The following CCDC18 variants were observed in gnomAD, a reference collection of about 807,000 sequenced individuals.
The protein encoded by CCDC18 is coiled-coil domain-containing protein 18.
Under a neutral mutation model 196.0 loss-of-function variants are expected in CCDC18, and 157 were observed. That is an observed-to-expected ratio of 0.80 (90% CI 0.70 to 0.91). The LOEUF (loss-of-function observed/expected upper bound fraction) is 0.91. Among genes scored for constraint, CCDC18 ranks in the 40% least tolerant of loss-of-function variants. CCDC18 has a pLI of 0.00. For missense variants in CCDC18, 1,465 were observed against 1,611.6 expected (o/e 0.91, Z 1.56); for synonymous variants, 482 against 529.2 (o/e 0.91, Z 1.22).
chr1:93,221,714 C>G lies in CCDC18; in HGVS notation c.2068C>G (p.Leu690Val), dbSNP rs1476980935. The change falls in exon 15 of 29, where the codon CTA becomes GTA. Residue 690 changes from leucine (L) to valine (V), a missense_variant. Transcript: ENST00000690025. The stretch of plus-strand genomic sequence containing the variant: ...ATGCAAACAACATCATCTTGAATCA[C>G]TAGATAGACTCTTGACGGAAAGCAA... ...IICKQHHLES[L>V]DRLLTESKGE... 1 of 1,599,424 alleles carries G rather than the reference C, an allele frequency of 6.3e-7. No homozygotes were observed. Among genetic ancestry groups the G allele is most frequent in the South Asian group, 1.1e-5 (1 of 87,068 alleles).
chr1:93,194,415 T>G (rs571779808), intron 6 of CCDC18, among the ~76,000 whole-genome samples: 1 of 149,684 alleles, frequency 6.7e-6, no homozygotes, highest in South Asian at 2.1e-4. Flanking sequence ...TACTAAGCAA[T>G]TTTGCAATTT....
chr1:93,212,047 A>AG, intron 10 of CCDC18, 54 bp from the exon 11 acceptor site: 1 of 1,428,750 alleles, frequency 7.0e-7, no homozygotes, highest in Non-Finnish European at 9.6e-7. Flanking sequence ...GTACAGTATG[A>AG]GTTTTTTTAT....
intron 17 of CCDC18, among the ~76,000 whole-genome samples, chr1:93,228,971 G>A (rs1320635820): frequency 6.6e-6 from 1 of 151,950 alleles, no homozygotes; most frequent in East Asian, 1.9e-4. Flanking sequence ...CACCCAGGCT[G>A]GAGTGCAGTG....
chr1:93,258,136 T>C (rs1030669457), intron 25 of CCDC18, among the ~76,000 whole-genome samples: 1 of 151,476 alleles, frequency 6.6e-6, no homozygotes, highest in East Asian at 1.9e-4. Context: ...AAAAGACATT[T>C]GTAAGTGAAC....
At chr1:93,227,310 T>C (rs913375547) in intron 17 of CCDC18, among the ~76,000 whole-genome samples, 4 of 150,704 alleles carry the variant, frequency 2.7e-5, no homozygotes, top group African/African-American at 9.8e-5. Flanking sequence ...AGGCGCATGC[T>C]GCCACGCCCG....
rs144724294 is a variant in CCDC18 at position 93,192,440 on chromosome 1, T to C, written c.569+334T>C. On this transcript the variant is annotated intron_variant, in intron 5 of 28. Coordinates refer to ENST00000690025, the MANE Select transcript of CCDC18 (RefSeq NM_001378204.1). ...AAAATGTAAAGGAGTCAGACACTTT[T>C]ATTATTTTTACAGAAAGGGTCTCAC... is the stretch of plus-strand genomic sequence containing the variant. 3.2e-3 allele frequency among the ~76,000 whole-genome samples: 491 copies of C among 152,320 alleles called. 2 individuals are homozygous for C. Among genetic ancestry groups the C allele is most frequent in the African/African-American group, 0.011 (454 of 41,568 alleles).
chr1:93,260,341 G>A (rs1430478088), intron 26 of CCDC18, among the ~76,000 whole-genome samples: 2 of 152,108 alleles, frequency 1.3e-5, no homozygotes, highest in East Asian at 1.9e-4. Context: ...CCAAGATCGC[G>A]CCATTGCAGT....
chr1:93,182,023 C>G (rs1401223158), intron 1 of CCDC18, among the ~76,000 whole-genome samples: 10 of 152,136 alleles, frequency 6.6e-5, no homozygotes, highest in Admixed American at 5.2e-4. Flanking sequence ...TTTTCTCTAC[C>G]CTTTTCTCCT....
Position 93,254,472 on chromosome 1 carries a change from T to A in CCDC18, c.3200T>A (p.Ile1067Lys). 1 of 1,567,152 alleles carries A rather than the reference T, an allele frequency of 6.4e-7. No individual in the cohort carries two copies. Among genetic ancestry groups the A allele is most frequent in the East Asian group, 2.3e-5 (1 of 44,376 alleles). Residue 1067 changes from isoleucine to lysine, a missense_variant and splice_region_variant, in exon 24 of 29, where the codon ATA becomes AAA. Coordinates refer to ENST00000690025, the MANE Select transcript of CCDC18 (RefSeq NM_001378204.1). ...ACTGCTTATCTGTTTAAAATTCAGATAGAAAGTCTGAATGACAAATTACAA... is the reference window on the plus strand; with the variant it reads ...ACTGCTTATCTGTTTAAAATTCAGAAAGAAAGTCTGAATGACAAATTACAA... ...ELELKECNKQ[I>K]ESLNDKLQNA...
chr1:93,266,256 A>G (rs1664484866), intron 27 of CCDC18, among the ~76,000 whole-genome samples: 1 of 152,232 alleles, frequency 6.6e-6, no homozygotes, highest in Non-Finnish European at 1.5e-5. Context: ...GAGAACAAAG[A>G]CACAACATAC....
chr1:93,208,293 G>T (rs183581564), intron 9 of CCDC18, among the ~76,000 whole-genome samples: 26 of 152,110 alleles, frequency 1.7e-4, no homozygotes, highest in Non-Finnish European at 3.7e-4. Flanking sequence ...CCATCTTAGT[G>T]GGTGTGAAGT....
At chr1:93,183,243 A>C in intron 1 of CCDC18, 117 bp from the exon 2 acceptor site, 2 of 708,448 alleles carry the variant, frequency 2.8e-6, no homozygotes, top group South Asian at 5.6e-5. Flanking sequence ...CCACCATGAA[A>C]GATTTCACAA....
intron 6 of CCDC18, 48 bp downstream of exon 6, chr1:93,193,792 A>C (rs909992741): frequency 7.1e-6 from 10 of 1,406,742 alleles, no homozygotes; most frequent in Non-Finnish European, 9.5e-6. Flanking sequence ...GAATAAAAGG[A>C]AATATTACCT....
At position 93,241,265 on chromosome 1, in the gene CCDC18, T is replaced by C. The variant is rs557827609; in HGVS notation, c.2981+1369T>C. ...CCACTGCACCCAGCCCCAAAACACA[T>C]TCTTAAATCCATTGATTTCGTGGCC... On this transcript the variant is annotated intron_variant, in intron 21 of 28. Transcript: ENST00000690025. 4.0e-5 allele frequency among the ~76,000 whole-genome samples: 6 copies of C among 151,806 alleles called. No individual in the cohort carries two copies. In the East Asian group the frequency reaches 1.2e-3, roughly 30 times the overall value.
At chr1:93,274,844 T>C (rs1665542274) in intron 28 of CCDC18, among the ~76,000 whole-genome samples, 2 of 152,178 alleles carry the variant, frequency 1.3e-5, no homozygotes, top group South Asian at 4.1e-4. Flanking sequence ...CAAACAAACG[T>C]AGCCTATTGT....
Position 93,270,386 on chromosome 1 carries a change from C to A in CCDC18, c.3925C>A (p.His1309Asn). 6.5e-7 allele frequency: 1 copy of A among 1,549,430 alleles called. No homozygotes were observed. Among genetic ancestry groups the A allele is most frequent in the Non-Finnish European group, 8.7e-7 (1 of 1,146,210 alleles). ...LTRLQAKISG[H>N]EKAEDIKFLP... ...CAGATTACAGGCCAAAATTTCTGGA[C>A]ATGAAAAGGCAGAAGACATCAAGTT... The change falls in exon 28 of 29, where the codon CAT becomes AAT. Residue 1309 changes from histidine (H) to asparagine (N), a missense_variant. Physicochemically the swap from His to Asn is moderately conservative, Grantham distance 68. Transcript: ENST00000690025.
chr1:93,195,841 A>G (rs900577732), intron 6 of CCDC18, among the ~76,000 whole-genome samples: 3 of 152,192 alleles, frequency 2.0e-5, no homozygotes, highest in Non-Finnish European at 2.9e-5. Context: ...TACCCAGACT[A>G]TGATATTTAT....
intron 14 of CCDC18, among the ~76,000 whole-genome samples, chr1:93,220,796 A>G (rs140565767): frequency 1.3e-3 from 202 of 152,138 alleles, no homozygotes; most frequent in Admixed American, 2.8e-3. Context: ...CCACTCCCCT[A>G]TAGGCCTCAG....
intron 11 of CCDC18, 56 bp downstream of exon 11, chr1:93,212,317 T>C: frequency 8.1e-7 from 1 of 1,232,262 alleles, no homozygotes; most frequent in South Asian, 1.9e-5. Context: ...ATGATAGTTT[T>C]TTTTTAAAAA....
Sources: gnomAD v4.1 joint callset for allele counts (sites outside exome capture counted in the v4.1 genomes callset) on GRCh38, gnomAD v4.1.1 for gene constraint, MANE v1.5 for transcripts, NCBI Gene and HGNC (gene_info 2026-07-23, HGNC 2026-07-21) for gene names.